Variants in PHF1 observed in about 807,000 individuals in gnomAD.
PHF1 encodes the protein PHD finger protein 1.
Under a neutral mutation model 69.4 loss-of-function variants are expected in PHF1, and 16 were observed. That is an observed-to-expected ratio of 0.23 (90% CI 0.16 to 0.35). The LOEUF is 0.35. PHF1 is among the 10% of genes least tolerant of loss of function. PHF1 has a pLI of 1.00. For missense variants in PHF1, 515 were observed against 732.8 expected, an observed-to-expected ratio of 0.70 and a Z score of 3.43; for synonymous variants, 274 against 275.0, an observed-to-expected ratio of 1.00 and a Z score of 0.04.
chr6:33,413,650 C>T, intron 6 of PHF1, 86 bp from the exon 7 acceptor site: 3 of 1,598,352 alleles, frequency 1.9e-6, no homozygotes, highest in Non-Finnish European at 2.6e-6. Context: ...GGGTAGCACT[C>T]AGGGGGATAG....
Position 33,412,465 on chromosome 6 carries a change from T to C in PHF1, c.159+43T>C, listed in dbSNP as rs985586023. 11 of 1,614,100 alleles carry C rather than the reference T, an allele frequency of 6.8e-6. No homozygotes were observed. The highest frequency in any genetic ancestry group is 9.3e-6 in the Non-Finnish European group (11 of 1,180,002). On this transcript the variant is annotated intron_variant, in intron 2 of 14. Transcript: ENST00000374516. This position sits in a 1 kb window ranked among gnomAD's most constrained non-coding sequence, Gnocchi z 4.2. ...TGACCTTCTTCCTAGTTCCCTTATC[T>C]AATTCTGGTTCCCATTTCATCCTGT...
upstream of PHF1, chr6:33,410,512 C>A (rs1254483931): frequency 1.8e-5 from 1 of 56,000 alleles, no homozygotes; most frequent in African/African-American, 7.6e-5. Flanking sequence ...CCAGGTGCCG[C>A]GCGCAGGAGG....
At position 33,414,632 on chromosome 6, in the gene PHF1, TG is replaced by T; in HGVS notation, c.944+90del. On this transcript the variant is annotated intron_variant, in intron 10 of 14. Transcript: ENST00000374516. The surrounding 1 kb of genome is among the most constrained non-coding windows in gnomAD (Gnocchi z 5.0). ...GAAGGGGAGGGGCTTGCAACCCACC[TG>T]GAAGACTGTGACTGAAAAGGATTGA... is the stretch of plus-strand genomic sequence containing the variant. 1 of 1,524,686 alleles carries T rather than the reference TG, an allele frequency of 6.6e-7. No homozygotes were observed. Among genetic ancestry groups the T allele is most frequent in the Non-Finnish European group, 9.0e-7 (1 of 1,115,860 alleles). 94.4% of individuals were successfully genotyped at this position (1,524,686 alleles called of 1,614,324 possible).
Position 33,415,101 on chromosome 6 carries a change from C to A in PHF1, c.1196C>A (p.Pro399His), listed in dbSNP as rs753990972. Residue 399 changes from proline (P) to histidine (H), a missense_variant, in exon 12 of 15, where the codon CCC becomes CAC. By Grantham distance (77) the Pro-to-His change is moderately conservative. Transcript: ENST00000374516. ...TCAGCAGTGCGCAATCAGCCCGAGC[C>A]CCAGGAGCAGAGGGAGCGGGCTCAT... The part of the protein sequence containing the change: ...PPSAVRNQPE[P>H]QEQRERAHLQ... The A allele has an allele frequency of 8.7e-6, 14 of 1,613,308 alleles. No individual in the cohort carries two copies. Among genetic ancestry groups the A allele is most frequent in the Non-Finnish European group, 1.2e-5 (14 of 1,179,642 alleles).
Position 33,413,242 on chromosome 6 carries a change from G to A in PHF1, c.384G>A (p.Glu128=), listed in dbSNP as rs556394865. The A allele has an allele frequency of 2.5e-4, 397 of 1,614,192 alleles. 3 individuals are homozygous for A. The South Asian group carries it at 4.0e-3, about 16-fold the overall frequency. Residue 128 remains glutamate (E), a synonymous_variant, in exon 5 of 15, where the codon GAG becomes GAA. Coordinates refer to ENST00000374516, the MANE Select transcript of PHF1 (RefSeq NM_024165.3). ...TTCCCAGGGCTCCAGCCCCTGGAGA[G>A]GGAGAGGGCACATCCTGGGTATGCC... is the stretch of plus-strand genomic sequence containing the variant. ...CHVPRAPAPG[E]GEGTSWVCRQ... is the part of the protein sequence containing the mutation.
chr6:33,412,841 G>A lies in PHF1; in HGVS notation c.337+48G>A. On this transcript the variant is annotated intron_variant, in intron 4 of 14. Coordinates refer to ENST00000374516, the MANE Select transcript of PHF1 (RefSeq NM_024165.3). The surrounding 1 kb of genome is among the most constrained non-coding windows in gnomAD (Gnocchi z 4.2). ...TGGTCCAGCTTGCTCTTCCCTCCAG[G>A]ATGGTCTCTATATCACCTGTCCTGG... 2 of 1,497,034 alleles carry A rather than the reference G, an allele frequency of 1.3e-6. No homozygotes were observed. Among genetic ancestry groups the A allele is most frequent in the South Asian group, 1.1e-5 (1 of 88,808 alleles). The allele number at this position is 1,497,034 out of a possible 1,614,324, so 92.7% of individuals were successfully genotyped here. A position where few individuals can be genotyped will look rare whatever the true frequency, so the allele number is the denominator to read the frequency against.
Position 33,412,930 on chromosome 6 carries a change from T to G in PHF1, c.337+137T>G, listed in dbSNP as rs1345829044. The G allele has an allele frequency of 1.3e-6, 1 of 774,272 alleles. No homozygotes were observed. Among genetic ancestry groups the G allele is most frequent in the Non-Finnish European group, 2.2e-6 (1 of 460,186 alleles). 48.0% of individuals were successfully genotyped at this position (774,272 alleles called of 1,614,324 possible). On this transcript the variant is annotated intron_variant, in intron 4 of 14. Coordinates refer to ENST00000374516, the MANE Select transcript of PHF1 (RefSeq NM_024165.3). This position sits in a 1 kb window ranked among gnomAD's most constrained non-coding sequence, Gnocchi z 4.2. ...GCCTTATCTTAGTCCTCATCCGCTT[T>G]CAGCCCAGGGAGAAGCAGCCATGGA...
rs1278834232 is a variant in PHF1 at position 33,414,844 on chromosome 6, G to A, written c.1049+15G>A. On this transcript the variant is annotated intron_variant, in intron 11 of 14. Coordinates refer to ENST00000374516, the MANE Select transcript of PHF1 (RefSeq NM_024165.3). The surrounding 1 kb of genome is among the most constrained non-coding windows in gnomAD (Gnocchi z 5.0). ...GCACTCACCAGGTCACTGGTCCAGG[G>A]GGGATGGGGGAAATTCTCAGGGTGT... 1.2e-6 allele frequency: 2 copies of A among 1,606,534 alleles called. No individual in the cohort carries two copies. Among genetic ancestry groups the A allele is most frequent in the Admixed American group, 1.7e-5 (1 of 59,410 alleles).
At chr6:33,415,429 A>T in intron 13 of PHF1, 100 bp downstream of exon 13, 2 of 1,239,424 alleles carry the variant, frequency 1.6e-6, no homozygotes, top group Non-Finnish European at 2.3e-6. Context: ...CCCCTTGGCT[A>T]CCCACTTCTT....
chr6:33,412,887 C>A lies in PHF1; in HGVS notation c.337+94C>A. On this transcript the variant is annotated intron_variant, in intron 4 of 14. Coordinates refer to ENST00000374516, the MANE Select transcript of PHF1 (RefSeq NM_024165.3). The surrounding 1 kb of genome is among the most constrained non-coding windows in gnomAD (Gnocchi z 4.2). Reference sequence around the variant, plus strand: ...CCTGGCCTTAGTCCCCAAGCCACTGCTCTGGCCAGGCTGCTTAGCCTTATC... The same window carrying A: ...CCTGGCCTTAGTCCCCAAGCCACTGATCTGGCCAGGCTGCTTAGCCTTATC... The A allele has an allele frequency of 2.8e-6, 3 of 1,070,104 alleles. No homozygotes were observed. Among genetic ancestry groups the A allele is most frequent in the South Asian group, 1.3e-5 (1 of 77,066 alleles). The allele number at this position is 1,070,104 out of a possible 1,614,324, so 66.3% of individuals were successfully genotyped here.
chr6:33,414,030 C>T lies in PHF1; in HGVS notation c.684-11C>T. The T allele has an allele frequency of 1.9e-6, 3 of 1,613,946 alleles. No homozygotes were observed. The highest frequency in any genetic ancestry group is 1.1e-5 in the South Asian group (1 of 91,060). On this transcript the variant is annotated splice_polypyrimidine_tract_variant and intron_variant, in intron 7 of 14. Transcript: ENST00000374516. The surrounding 1 kb of genome is among the most constrained non-coding windows in gnomAD (Gnocchi z 5.0). ...GTGTAAGTGTGTTTGCTCCCTCTTG[C>T]CCATGTCCAGGTTCTATGAATTTGA...
rs757705753 is a variant in PHF1 at position 33,412,671 on chromosome 6, G to A, written c.242-27G>A. On this transcript the variant is annotated intron_variant, in intron 3 of 14. Coordinates refer to ENST00000374516, the MANE Select transcript of PHF1 (RefSeq NM_024165.3). The surrounding 1 kb of genome is among the most constrained non-coding windows in gnomAD (Gnocchi z 4.2). Reference sequence around the variant, plus strand: ...GGGGCAGAAAGAGACTTAAAGGCAGGCCCTGTGACACTGTGTTCTCTCACA... The same window carrying A: ...GGGGCAGAAAGAGACTTAAAGGCAGACCCTGTGACACTGTGTTCTCTCACA... 8.7e-6 allele frequency: 14 copies of A among 1,611,722 alleles called. No homozygotes were observed. Among genetic ancestry groups the A allele is most frequent in the South Asian group, 6.6e-5 (6 of 91,048 alleles).
At position 33,414,595 on chromosome 6, in the gene PHF1, A is replaced by G. The variant is rs2151109608; in HGVS notation, c.944+51A>G. The G allele has an allele frequency of 6.3e-7, 1 of 1,596,042 alleles. No homozygotes were observed. The highest frequency in any genetic ancestry group is 2.2e-5 in the East Asian group (1 of 44,768). ...GGATGAGGCTCGGAAAGAGATGGAGAGTGGAAGCCTGGAAGGGGAGGGGCT... is the reference window on the plus strand; with the variant it reads ...GGATGAGGCTCGGAAAGAGATGGAGGGTGGAAGCCTGGAAGGGGAGGGGCT... On this transcript the variant is annotated intron_variant, in intron 10 of 14. Transcript: ENST00000374516. This position sits in a 1 kb window ranked among gnomAD's most constrained non-coding sequence, Gnocchi z 5.0.
Position 33,414,673 on chromosome 6 carries a change from A to AG in PHF1, c.945-50dup. 1 of 1,565,074 alleles carries AG rather than the reference A, an allele frequency of 6.4e-7. No homozygotes were observed. The highest frequency in any genetic ancestry group is 1.1e-5 in the South Asian group (1 of 89,528). ...AAAAGGATTGAGGAATGGCGTAAGG[A>AG]GGAACCGTTTTTTACAGCACTGACC... is the stretch of plus-strand genomic sequence containing the variant. On this transcript the variant is annotated intron_variant, in intron 10 of 14. Coordinates refer to ENST00000374516, the MANE Select transcript of PHF1 (RefSeq NM_024165.3). The surrounding 1 kb of genome is among the most constrained non-coding windows in gnomAD (Gnocchi z 5.0).
At position 33,412,416 on chromosome 6, in the gene PHF1, C is replaced by T. The variant is rs543070138; in HGVS notation, c.153C>T (p.Ile51=). The part of the protein sequence containing the change: ...WTDGLLYLGT[I]KKVDSAREVC... ...ATGGGCTGCTATACTTGGGTACCAT[C>T]AAAAAGGTAAGACCTTCTACCTCTG... Residue 51 remains isoleucine, a synonymous_variant, in exon 2 of 15, where the codon ATC becomes ATT. Coordinates refer to ENST00000374516, the MANE Select transcript of PHF1 (RefSeq NM_024165.3). The surrounding 1 kb of genome is among the most constrained non-coding windows in gnomAD (Gnocchi z 4.2). 12 of 1,614,192 alleles carry T rather than the reference C, an allele frequency of 7.4e-6. 1 individual carries two copies. In the South Asian group the frequency reaches 1.2e-4, roughly 16 times the overall value.
At position 33,414,812 on chromosome 6, in the gene PHF1, A is replaced by G; in HGVS notation, c.1032A>G (p.Gly344=). 3.1e-6 allele frequency: 5 copies of G among 1,612,034 alleles called. No homozygotes were observed. The highest frequency in any genetic ancestry group is 4.2e-6 in the Non-Finnish European group (5 of 1,179,004). Residue 344 remains glycine (G), a synonymous_variant, in exon 11 of 15, where the codon GGA becomes GGG. Coordinates refer to ENST00000374516, the MANE Select transcript of PHF1 (RefSeq NM_024165.3). This position sits in a 1 kb window ranked among gnomAD's most constrained non-coding sequence, Gnocchi z 5.0. ...CTCCCCCTGTGGAGCCCCCTACTGG[A>G]GATGGAGCACTCACCAGGTCACTGG... The part of the protein sequence containing the change: ...RMPPPVEPPT[G]DGALTSFPSG...
Position 33,413,219 on chromosome 6 carries a change from C to T in PHF1, c.361C>T (p.Pro121Ser). The part of the protein sequence containing the change: ...RHAYHQDCHV[P>S]RAPAPGEGEG... ...AGCTTATCACCAGGACTGCCATGTT[C>T]CCAGGGCTCCAGCCCCTGGAGAGGG... Residue 121 changes from proline (P) to serine (S), a missense_variant, in exon 5 of 15, where the codon CCC becomes TCC. Transcript: ENST00000374516. The T allele has an allele frequency of 6.2e-7, 1 of 1,614,060 alleles. No individual in the cohort carries two copies. The highest frequency in any genetic ancestry group is 8.5e-7 in the Non-Finnish European group (1 of 1,179,916).
In PHF1 at chr6:33,415,502, G is replaced by T. The variant is rs554795657; in HGVS notation, c.1335-88G>T. Reference sequence around the variant, plus strand: ...AGTATTCTGGGGAAGGGAGTCCCTTGGGGGTAGTGTTTGAGCTCTGCACTT... The same window carrying T: ...AGTATTCTGGGGAAGGGAGTCCCTTTGGGGTAGTGTTTGAGCTCTGCACTT... On this transcript the variant is annotated intron_variant, in intron 13 of 14. Coordinates refer to ENST00000374516, the MANE Select transcript of PHF1 (RefSeq NM_024165.3). 43 of 1,401,882 alleles carry T rather than the reference G, an allele frequency of 3.1e-5. No homozygotes were observed. The East Asian group carries it at 9.8e-4, about 32-fold the overall frequency. 86.8% of individuals were successfully genotyped at this position (1,401,882 alleles called of 1,614,324 possible).
chr6:33,413,083 A>T, intron 4 of PHF1, 113 bp from the exon 5 acceptor site: 1 of 957,668 alleles, frequency 1.0e-6, no homozygotes, highest in Admixed American at 1.7e-5. Flanking sequence ...AGGATAATGC[A>T]CCCCCTCATC....
Sources: allele counts gnomAD v4.1 joint callset, GRCh38; gene constraint gnomAD v4.1.1; non-coding constraint Gnocchi (gnomAD v3.1); transcripts MANE v1.5; gene names NCBI Gene and HGNC (gene_info 2026-07-23, HGNC 2026-07-21).